Variants in GDPD1 observed in about 807,000 individuals in gnomAD.
GDPD1 encodes glycerophosphodiester phosphodiesterase domain containing 1, also known as lysophospholipase D GDPD1.
Under a neutral mutation model 45.1 loss-of-function variants are expected in GDPD1, and 28 were observed. That is an observed-to-expected ratio of 0.62 (90% CI 0.46 to 0.85). The LOEUF is 0.85. GDPD1 is among the 40% of genes least tolerant of loss of function. The probability of loss-of-function intolerance (pLI) is 0.00; values close to 1 mark genes in which losing one functional copy is unlikely to be tolerated. For missense variants in GDPD1, 256 were observed against 364.8 expected (o/e 0.70, Z 2.43); for synonymous variants, 139 against 131.4 (o/e 1.06, Z -0.40).
In GDPD1 at chr17:59,275,545, A is replaced by T. The variant is rs2047474804; in HGVS notation, c.*1772A>T. 2 of 190,036 alleles carry T rather than the reference A, an allele frequency of 1.1e-5. No homozygotes were observed. Among genetic ancestry groups the T allele is most frequent in the South Asian group, 2.0e-4 (2 of 10,060 alleles). The allele number at this position is 190,036 out of a possible 1,614,324, so 11.8% of individuals were successfully genotyped here. ...AAGATTTCCATTTTTGGCACTGACT[A>T]ACTGAGCCTACATCTAGATTTTAAA... On this transcript the variant is annotated 3_prime_UTR_variant, in exon 10 of 10. Transcript: ENST00000284116.
intron 3 of GDPD1, among the ~76,000 whole-genome samples, chr17:59,248,401 A>G (rs972158270): frequency 1.3e-5 from 2 of 151,682 alleles, no homozygotes; most frequent in African/African-American, 4.8e-5. Flanking sequence ...CATTTCATTA[A>G]TTATTAATTA....
chr17:59,229,413 T>TG (rs1201234773), intron 1 of GDPD1, among the ~76,000 whole-genome samples: 1 of 151,480 alleles, frequency 6.6e-6, no homozygotes, highest in Non-Finnish European at 1.5e-5. Context: ...TTAGTAGAGA[T>TG]GGGGTTTCGC....
chr17:59,263,629 C>G (rs2047376587), intron 6 of GDPD1, among the ~76,000 whole-genome samples: 2 of 151,480 alleles, frequency 1.3e-5, no homozygotes. Context: ...CAGGCATGCA[C>G]CACCACGCCC....
In GDPD1 at chr17:59,253,445, C is replaced by A. The variant is rs183315149; in HGVS notation, c.368-3677C>A. Among the ~76,000 whole-genome samples, 11 of 152,268 alleles carry A rather than the reference C, an allele frequency of 7.2e-5. No individual in the cohort carries two copies. In the East Asian group the frequency reaches 1.9e-3, roughly 27 times the overall value. On this transcript the variant is annotated intron_variant, in intron 4 of 9. Coordinates refer to ENST00000284116, the MANE Select transcript of GDPD1 (RefSeq NM_182569.4). ...TCTTGAATTCCTGGCCTCAAGCAAT[C>A]TTCCCACCTCAGCCTTCCAAAGTGC...
chr17:59,270,808 T>C, intron 7 of GDPD1, 128 bp from the exon 8 acceptor site: 3 of 580,392 alleles, frequency 5.2e-6, no homozygotes, highest in Non-Finnish European at 8.9e-6. Flanking sequence ...TTTTTGTCCT[T>C]TTTACAAATA....
At chr17:59,258,269 G>A (rs1353718067) in intron 6 of GDPD1, among the ~76,000 whole-genome samples, 3 of 151,890 alleles carry the variant, frequency 2.0e-5, no homozygotes, top group Non-Finnish European at 4.4e-5. Flanking sequence ...TTTCAGGCCG[G>A]GCGCAGTGGC....
Position 59,234,517 on chromosome 17 carries a change from A to G in GDPD1, c.168A>G (p.Thr56=), listed in dbSNP as rs757443617. 5.0e-6 allele frequency: 8 copies of G among 1,603,482 alleles called. No homozygotes were observed. The Admixed American group carries it at 5.0e-5, about 10-fold the overall frequency. ...RGGAGENLEN[T]MAAFQHAVKI... ...GTGCTGGAGAAAATTTGGAGAATAC[A>G]ATGGCAGCCTTTCAGCAGTAAGTAT... is the stretch of plus-strand genomic sequence containing the variant. Residue 56 remains threonine (T), a synonymous_variant, in exon 2 of 10, where the codon ACA becomes ACG. Coordinates refer to ENST00000284116, the MANE Select transcript of GDPD1 (RefSeq NM_182569.4).
chr17:59,232,594 T>C (rs1212227444), intron 1 of GDPD1, among the ~76,000 whole-genome samples: 3 of 152,162 alleles, frequency 2.0e-5, no homozygotes, highest in African/African-American at 7.2e-5. Context: ...ATCATGATAA[T>C]AGACATTATA....
Position 59,245,619 on chromosome 17 carries a change from C to T in GDPD1, c.321+70C>T. 9.6e-6 allele frequency: 11 copies of T among 1,146,132 alleles called. No individual in the cohort carries two copies. In the South Asian group the frequency reaches 1.1e-4, roughly 12 times the overall value. 71.0% of individuals were successfully genotyped at this position (1,146,132 alleles called of 1,614,324 possible). A position where few individuals can be genotyped will look rare whatever the true frequency, so the allele number is the denominator to read the frequency against. On this transcript the variant is annotated intron_variant, in intron 3 of 9. Transcript: ENST00000284116. ...GCCTATAAGATTTTTTTTAAAATAGCGAATATCAGCAAAAAATTTCTAATA... is the reference window on the plus strand; with the variant it reads ...GCCTATAAGATTTTTTTTAAAATAGTGAATATCAGCAAAAAATTTCTAATA...
chr17:59,266,833 C>T (rs1019274012), intron 6 of GDPD1, among the ~76,000 whole-genome samples: 1 of 152,124 alleles, frequency 6.6e-6, no homozygotes, highest in East Asian at 1.9e-4. Flanking sequence ...CATCATTATA[C>T]TATGAGGCTC....
At chr17:59,253,403 T>C (rs755063440) in intron 4 of GDPD1, among the ~76,000 whole-genome samples, 5 of 152,152 alleles carry the variant, frequency 3.3e-5, no homozygotes, top group Non-Finnish European at 7.3e-5. Flanking sequence ...CAGGTCTCGC[T>C]ATGTTGGTCA....
intron 2 of GDPD1, among the ~76,000 whole-genome samples, chr17:59,238,415 T>C (rs1378005448): frequency 7.8e-6 from 1 of 127,480 alleles, no homozygotes; most frequent in Admixed American, 7.6e-5. Context: ...TATTATTTTT[T>C]ATTTTTTTTT....
chr17:59,230,131 G>C (rs2047077458), intron 1 of GDPD1, among the ~76,000 whole-genome samples: 1 of 152,098 alleles, frequency 6.6e-6, no homozygotes, highest in African/African-American at 2.4e-5. Flanking sequence ...CTGAACACTG[G>C]TGTAAGTGTG....
chr17:59,253,585 T>C (rs2047272751), intron 4 of GDPD1, among the ~76,000 whole-genome samples: 1 of 152,214 alleles, frequency 6.6e-6, no homozygotes, highest in African/African-American at 2.4e-5. Context: ...CGCTGTTAGA[T>C]AGAATATTCT....
intron 1 of GDPD1, among the ~76,000 whole-genome samples, chr17:59,224,297 T>A (rs2047028315): frequency 6.6e-6 from 1 of 152,070 alleles, no homozygotes; most frequent in South Asian, 2.1e-4. Flanking sequence ...CATATTGCAA[T>A]GACCTTTTAA....
At chr17:59,232,097 C>T (rs1032655970) in intron 1 of GDPD1, among the ~76,000 whole-genome samples, 3 of 152,000 alleles carry the variant, frequency 2.0e-5, no homozygotes, top group Non-Finnish European at 4.4e-5. Flanking sequence ...TGCCATATGT[C>T]GACAAAGTGA....
Position 59,274,977 on chromosome 17 carries a change from G to T in GDPD1, c.*1204G>T. On this transcript the variant is annotated 3_prime_UTR_variant, in exon 10 of 10. Transcript: ENST00000284116. ...CTGCCTCTGCCTCCCGAGTACCTGGGATTACAGGTGCCTGCTACCATGCCC... is the reference window on the plus strand; with the variant it reads ...CTGCCTCTGCCTCCCGAGTACCTGGTATTACAGGTGCCTGCTACCATGCCC... The T allele has an allele frequency of 1.9e-6, 1 of 535,212 alleles. No homozygotes were observed. The highest frequency in any genetic ancestry group is 3.4e-6 in the Non-Finnish European group (1 of 294,586). The allele number at this position is 535,212 out of a possible 1,614,324, so 33.2% of individuals were successfully genotyped here. A position where few individuals can be genotyped will look rare whatever the true frequency, so the allele number is the denominator to read the frequency against.
intron 3 of GDPD1, among the ~76,000 whole-genome samples, chr17:59,247,277 G>A (rs541945642): frequency 1.3e-5 from 2 of 152,164 alleles, no homozygotes; most frequent in East Asian, 1.9e-4. Flanking sequence ...GTTCACTCTT[G>A]TACATTCTGT....
intron 7 of GDPD1, among the ~76,000 whole-genome samples, chr17:59,270,662 G>C (rs991891881): frequency 6.6e-6 from 1 of 151,876 alleles, no homozygotes; most frequent in Non-Finnish European, 1.5e-5. Context: ...AGGGCACCAG[G>C]GTCTCTGGAA....
Sources: allele counts gnomAD v4.1 joint callset (sites outside exome capture counted in the v4.1 genomes callset), GRCh38; gene constraint gnomAD v4.1.1; transcripts MANE v1.5; gene names NCBI Gene and HGNC (gene_info 2026-07-23, HGNC 2026-07-21).